Variants in ANKK1 observed in about 807,000 individuals in gnomAD.
ANKK1 encodes the protein ankyrin repeat and protein kinase domain-containing protein 1.
Under a neutral mutation model 37.6 loss-of-function variants are expected in ANKK1, and 37 were observed. The observed-to-expected ratio is 0.98, with a 90% CI of 0.76 to 1.29. The LOEUF is 1.29. ANKK1 is among the 50% of genes most tolerant of loss of function. The pLI, the probability that ANKK1 is intolerant of heterozygous loss-of-function variation, is 0.00. For synonymous variants in ANKK1, 415 were observed against 418.7 expected (o/e 0.99, Z 0.11); for missense variants, 1,019 against 990.6 (o/e 1.03, Z -0.39).
intron 2 of ANKK1, 122 bp downstream of exon 2, chr11:113,393,897 T>C: frequency 8.2e-7 from 1 of 1,223,552 alleles, no homozygotes; most frequent in Non-Finnish European, 1.1e-6. Flanking sequence ...ATGGACAAAT[T>C]CTAAAGGCAG....
In ANKK1 at chr11:113,396,147, A is replaced by G; in HGVS notation, c.763A>G (p.Ser255Gly). 6.2e-7 allele frequency: 1 copy of G among 1,613,986 alleles called. No homozygotes were observed. Residue 255 changes from serine to glycine, a missense_variant, in exon 5 of 8, where the codon AGC (serine) becomes GGC (glycine). Ser to Gly is a moderately conservative substitution (Grantham distance 56). Coordinates refer to ENST00000303941, the MANE Select transcript of ANKK1 (RefSeq NM_178510.2). Reference sequence around the variant, plus strand: ...ACAGCCTGTCTCTGACCAATGGCCAAGCGAGGCCCAGCAGATGGTGGACCT... The same window carrying G: ...ACAGCCTGTCTCTGACCAATGGCCAGGCGAGGCCCAGCAGATGGTGGACCT... ...SLQPVSDQWP[S>G]EAQQMVDLMK...
chr11:113,393,608 T>C lies in ANKK1; in HGVS notation c.313T>C (p.Ser105Pro), dbSNP rs764432409. The change falls in exon 2 of 8, where the codon TCC becomes CCC. Residue 105 changes from serine (S) to proline (P), a missense_variant. Ser to Pro is a moderately conservative substitution (Grantham distance 74). Coordinates refer to ENST00000303941, the MANE Select transcript of ANKK1 (RefSeq NM_178510.2). ...TGTGATGGAGTTTATGGCCAACGGC[T>C]CCCTGGAGAAGGTGCTGTCCACCCA... ...GIVMEFMANG[S>P]LEKVLSTHSL... The C allele has an allele frequency of 5.0e-6, 8 of 1,613,830 alleles. No individual in the cohort carries two copies. Among genetic ancestry groups the C allele is most frequent in the Non-Finnish European group, 6.8e-6 (8 of 1,179,884 alleles).
rs1486310929 is a variant in ANKK1, at chr11:113,397,233, T to G, written c.848T>G (p.Ile283Ser). Residue 283 changes from isoleucine to serine, a missense_variant, in exon 6 of 8, where the codon ATC (isoleucine) becomes AGC (serine). Transcript: ENST00000303941. ...CCCACTCATGGAGCAGACATTACCA[T>G]CGAGACAGACATACTGCTGTCACTG... ...KKRPCFLDIT[I>S]ETDILLSLLQ... 6.2e-7 allele frequency: 1 copy of G among 1,608,162 alleles called. No individual in the cohort carries two copies. The highest frequency in any genetic ancestry group is 1.1e-5 in the South Asian group (1 of 91,056).
intron 1 of ANKK1, among the ~76,000 whole-genome samples, chr11:113,388,300 C>A (rs751281965): frequency 1.4e-4 from 21 of 152,214 alleles, no homozygotes; most frequent in Admixed American, 3.3e-4. Context: ...CAACAGAGGT[C>A]AAAGGCAAGC....
At chr11:113,390,749 A>AG (rs1950581240) in intron 1 of ANKK1, among the ~76,000 whole-genome samples, 1 of 152,082 alleles carries the variant, frequency 6.6e-6, no homozygotes, top group East Asian at 1.9e-4. Context: ...AAAAAAAAAA[A>AG]ACAAAGCAAA....
intron 7 of ANKK1, 42 bp from the exon 8 acceptor site, chr11:113,398,922 G>T: frequency 2.0e-6 from 3 of 1,520,658 alleles, no homozygotes; most frequent in Admixed American, 2.0e-5. Context: ...CCTCTGGACG[G>T]GTCACAGGTC....
rs910443434 is a variant in ANKK1 at position 113,396,170 on chromosome 11, C to T, written c.786C>T (p.Asp262=). 1.2e-6 allele frequency: 2 copies of T among 1,613,828 alleles called. No homozygotes were observed. The highest frequency in any genetic ancestry group is 1.7e-5 in the Admixed American group (1 of 59,996). Residue 262 remains aspartate, a synonymous_variant, in exon 5 of 8, where the codon GAC becomes GAT. Transcript: ENST00000303941. ...CAAGCGAGGCCCAGCAGATGGTGGACCTGATGAAACGCTGCTGGGACCAGG... is the reference window on the plus strand; with the variant it reads ...CAAGCGAGGCCCAGCAGATGGTGGATCTGATGAAACGCTGCTGGGACCAGG... ...QWPSEAQQMV[D]LMKRCWDQDP...
rs756224912 is a variant in ANKK1 at position 113,399,703 on chromosome 11, G to C, written c.1734G>C (p.Met578Ile). The C allele has an allele frequency of 3.8e-6, 6 of 1,598,178 alleles. No homozygotes were observed. The highest frequency in any genetic ancestry group is 3.4e-6 in the Non-Finnish European group (4 of 1,172,536). The change falls in exon 8 of 8, where the codon ATG (methionine) becomes ATC (isoleucine). Residue 578 changes from methionine to isoleucine, a missense_variant. Coordinates refer to ENST00000303941, the MANE Select transcript of ANKK1 (RefSeq NM_178510.2). The part of the protein sequence containing the change: ...AARGKYLICK[M>I]LLRYGASLEL... The stretch of plus-strand genomic sequence containing the variant: ...GGGGCAAATACCTGATCTGCAAGAT[G>C]CTGCTCAGGTACGGAGCCAGCCTTG...
chr11:113,397,830 C>A, intron 6 of ANKK1, 150 bp from the exon 7 acceptor site: 1 of 883,702 alleles, frequency 1.1e-6, no homozygotes, highest in South Asian at 1.5e-5. Context: ...TGGGGATAGT[C>A]ATGGCAAAGG....
intron 5 of ANKK1, 44 bp from the exon 6 acceptor site, chr11:113,397,180 A>G (rs370020556): frequency 6.5e-7 from 1 of 1,533,200 alleles, no homozygotes; most frequent in African/African-American, 1.4e-5. Flanking sequence ...ACTGTGGGCC[A>G]GCCCGTTGCT....
chr11:113,395,098 C>A lies in ANKK1; in HGVS notation c.632+18C>A, dbSNP rs771655767. ...GTGTACAGGTGAGAAGGAGGCCTGG[C>A]GTGATGCCACACACCCAGCAGGCAG... On this transcript the variant is annotated intron_variant, in intron 3 of 7. Coordinates refer to ENST00000303941, the MANE Select transcript of ANKK1 (RefSeq NM_178510.2). 2 of 1,582,552 alleles carry A rather than the reference C, an allele frequency of 1.3e-6. No individual in the cohort carries two copies. The highest frequency in any genetic ancestry group is 1.3e-5 in the African/African-American group (1 of 74,268).
intron 5 of ANKK1, 37 bp downstream of exon 5, chr11:113,396,259 C>G (rs1212212344): frequency 2.5e-6 from 4 of 1,605,832 alleles, no homozygotes; most frequent in Non-Finnish European, 3.4e-6. Flanking sequence ...GGACTGGGAG[C>G]TGGGTGGGGC....
chr11:113,396,496 C>A (rs10891547), intron 5 of ANKK1, among the ~76,000 whole-genome samples: 53,221 of 151,718 alleles, frequency 0.35, 11,738 homozygotes, highest in Non-Finnish European at 0.5. Flanking sequence ...CACCACCATG[C>A]CTGGCTAATT....
In ANKK1 at chr11:113,393,599, GC is replaced by G; in HGVS notation, c.306del (p.Asn103ThrfsTer29). On this transcript the variant is annotated frameshift_variant, in exon 2 of 8. Coordinates refer to ENST00000303941, the MANE Select transcript of ANKK1 (RefSeq NM_178510.2). LOFTEE classifies it high-confidence loss of function. ...QPLGIVMEFM[A>X]NGSLEKVLST... is the part of the protein sequence containing the mutation. ...CCTGGGTATTGTGATGGAGTTTATGGCCAACGGCTCCCTGGAGAAGGTGCTG... is the reference window on the plus strand; with the variant it reads ...CCTGGGTATTGTGATGGAGTTTATGGCAACGGCTCCCTGGAGAAGGTGCTG... The G allele has an allele frequency of 1.9e-6, 3 of 1,613,968 alleles. No homozygotes were observed. The highest frequency in any genetic ancestry group is 2.5e-6 in the Non-Finnish European group (3 of 1,179,888).
Position 113,399,993 on chromosome 11 carries a change from T to C in ANKK1, c.2024T>C (p.Val675Ala). The C allele has an allele frequency of 6.2e-7, 1 of 1,613,520 alleles. No homozygotes were observed. Among genetic ancestry groups the C allele is most frequent in the East Asian group, 2.2e-5 (1 of 44,866 alleles). Residue 675 changes from valine to alanine, a missense_variant, in exon 8 of 8, where the codon GTC (valine) becomes GCC (alanine). By Grantham distance (64) the Val-to-Ala change is moderately conservative. Coordinates refer to ENST00000303941, the MANE Select transcript of ANKK1 (RefSeq NM_178510.2). ...LAVQRSTFLS[V>A]INLLEHHANV... Reference sequence around the variant, plus strand: ...GTCCAGAGGAGCACCTTCCTGAGTGTCATCAACCTCCTAGAACATCACGCA... The same window carrying C: ...GTCCAGAGGAGCACCTTCCTGAGTGCCATCAACCTCCTAGAACATCACGCA...
Position 113,395,592 on chromosome 11 carries a change from G to A in ANKK1, c.682+184G>A, listed in dbSNP as rs149987192. On this transcript the variant is annotated intron_variant, in intron 4 of 7. Coordinates refer to ENST00000303941, the MANE Select transcript of ANKK1 (RefSeq NM_178510.2). ...TCCTGCCTCTATTTCTAGAGCTCAC[G>A]TCACAGCTAAAGGAAAGGAAAGGTC... Among the ~76,000 whole-genome samples, 1,056 of 152,216 alleles carry A rather than the reference G, an allele frequency of 6.9e-3. 18 individuals are homozygous for A. Among genetic ancestry groups the A allele is most frequent in the South Asian group, 8.7e-3 (42 of 4,826 alleles).
chr11:113,394,899 G>A (rs776054755), intron 2 of ANKK1, 30 bp from the exon 3 acceptor site: 42 of 1,601,756 alleles, frequency 2.6e-5, no homozygotes, highest in Non-Finnish European at 3.2e-5. Flanking sequence ...GCTCTATCAC[G>A]GCTTTATCTC....
chr11:113,395,975 C>T lies in ANKK1; in HGVS notation c.683-92C>T, dbSNP rs1950634444. ...TGTGGAGCCCCCACTGCGTGCATGC[C>T]CTGTTGGGATCCTCAGAGCCCCCGC... On this transcript the variant is annotated intron_variant, in intron 4 of 7. Transcript: ENST00000303941. The T allele has an allele frequency of 1.1e-5, 16 of 1,463,034 alleles. No individual in the cohort carries two copies. The South Asian group carries it at 2.0e-4, about 19-fold the overall frequency. 90.6% of individuals were successfully genotyped at this position (1,463,034 alleles called of 1,614,324 possible). A position where few individuals can be genotyped will look rare whatever the true frequency, so the allele number is the denominator to read the frequency against.
At chr11:113,397,860 G>A (rs2138136110) in intron 6 of ANKK1, 120 bp from the exon 7 acceptor site, 2 of 1,093,544 alleles carry the variant, frequency 1.8e-6, no homozygotes, top group Non-Finnish European at 2.7e-6. Flanking sequence ...TCCCAGGATA[G>A]GGTGGGATGT....
Sources: allele counts gnomAD v4.1 joint callset (sites outside exome capture counted in the v4.1 genomes callset), GRCh38; gene constraint gnomAD v4.1.1; transcripts MANE v1.5; gene names NCBI Gene and HGNC (gene_info 2026-07-23, HGNC 2026-07-21).